The following RELN variants were observed in gnomAD, a reference collection of about 807,000 sequenced individuals.
RELN encodes the protein reelin.
RELN carries 108 observed loss-of-function variants against 427.6 expected under a neutral mutation model. The ratio of observed to expected loss-of-function variants is 0.25; its 90% confidence interval spans 0.22 to 0.30. RELN has a LOEUF of 0.30. RELN is among the 10% of genes least tolerant of loss of function. The pLI, the probability that RELN is intolerant of heterozygous loss-of-function variation, is 1.00. For missense variants in RELN, 3,715 were observed against 4,302.8 expected (o/e 0.86, Z 3.82); for synonymous variants, 1,524 against 1,513.4 (o/e 1.01, Z -0.16).
chr7:103,524,982 C>G (rs1407360414), intron 46 of RELN, among the ~76,000 whole-genome samples: 1 of 152,156 alleles, frequency 6.6e-6, no homozygotes, highest in Non-Finnish European at 1.5e-5. Flanking sequence ...CCGCCTGAAC[C>G]TGGGCCTCTG....
chr7:103,549,299 C>T (rs190376080), intron 41 of RELN, among the ~76,000 whole-genome samples: 39 of 152,280 alleles, frequency 2.6e-4, no homozygotes, highest in African/African-American at 7.5e-4. Flanking sequence ...ATGGATGCTG[C>T]CTTCCTGCTG....
chr7:103,798,066 T>G (rs545007586), intron 3 of RELN, among the ~76,000 whole-genome samples: 5 of 152,340 alleles, frequency 3.3e-5, no homozygotes, highest in South Asian at 2.1e-4. Flanking sequence ...CCCTGCTCCG[T>G]ACTCTTGGGA....
At chr7:103,932,705 G>A (rs1334915882) in intron 1 of RELN, among the ~76,000 whole-genome samples, 1 of 152,148 alleles carries the variant, frequency 6.6e-6, no homozygotes, top group Non-Finnish European at 1.5e-5. Flanking sequence ...CATTCATCTA[G>A]AGGCAAAAGC....
At chr7:103,568,456 G>C (rs1830811497) in intron 31 of RELN, among the ~76,000 whole-genome samples, 1 of 152,172 alleles carries the variant, frequency 6.6e-6, no homozygotes, top group African/African-American at 2.4e-5. Flanking sequence ...GAGACAGCCT[G>C]CTATATACAG....
chr7:103,593,967 G>T, intron 26 of RELN, 85 bp from the exon 27 acceptor site: 1 of 1,020,086 alleles, frequency 9.8e-7, no homozygotes, highest in Non-Finnish European at 1.5e-6. Context: ...GACATGCTGG[G>T]CCATGTACCA....
intron 15 of RELN, among the ~76,000 whole-genome samples, chr7:103,651,053 T>A (rs1342686043): frequency 1.3e-5 from 2 of 152,126 alleles, no homozygotes; most frequent in African/African-American, 4.8e-5. Context: ...CTAATTAGCA[T>A]CAATTATTTT....
At chr7:103,908,010 G>A (rs1458995153) in intron 2 of RELN, among the ~76,000 whole-genome samples, 6 of 152,028 alleles carry the variant, frequency 3.9e-5, no homozygotes, top group African/African-American at 1.5e-4. Flanking sequence ...CTGTGTCCAT[G>A]TGTTCTCATT....
chr7:103,518,310 A>G (rs1192251836), intron 49 of RELN, among the ~76,000 whole-genome samples: 1 of 148,796 alleles, frequency 6.7e-6, no homozygotes, highest in Non-Finnish European at 1.5e-5. Flanking sequence ...CATGCATTAA[A>G]GGATTATCTA....
In RELN at chr7:103,824,627, A is replaced by AGAGTGTGTGTGT. The variant is rs1279358387; in HGVS notation, c.473+8909_473+8910insACACACACACTC. 6.9e-5 allele frequency among the ~76,000 whole-genome samples: 9 copies of AGAGTGTGTGTGT among 130,896 alleles called. No individual in the cohort carries two copies. The highest frequency in any genetic ancestry group is 2.4e-4 in the African/African-American group (8 of 33,978). The allele number at this position is 130,896 out of a possible 152,430, so 85.9% of individuals were successfully genotyped here. A position where few individuals can be genotyped will look rare whatever the true frequency, so the allele number is the denominator to read the frequency against. On this transcript the variant is annotated intron_variant, in intron 3 of 64. Coordinates refer to ENST00000428762, the MANE Select transcript of RELN (RefSeq NM_005045.4). This position sits in a 1 kb window ranked among gnomAD's most constrained non-coding sequence, Gnocchi z 4.4. ...GTGTTTTCACTTTCTTTCAAAACAGAGTGTGTGTGTGTGTGTGTGTGTGTG... is the reference window on the plus strand; with the variant it reads ...GTGTTTTCACTTTCTTTCAAAACAGAGAGTGTGTGTGTGTGTGTGTGTGTGTGTGTGTGTGTG...
chr7:103,516,113 C>A (rs963352302), intron 49 of RELN, among the ~76,000 whole-genome samples: 4 of 152,130 alleles, frequency 2.6e-5, no homozygotes, highest in African/African-American at 9.7e-5. Flanking sequence ...AAATGTGGCT[C>A]CATGCTCCAA....
chr7:103,791,440 C>A (rs2116272391), intron 3 of RELN, among the ~76,000 whole-genome samples: 2 of 152,210 alleles, frequency 1.3e-5, no homozygotes, highest in East Asian at 3.9e-4. Flanking sequence ...CAGTAGTATA[C>A]TTTTACATTT....
chr7:103,663,621 C>G (rs1248043480), intron 11 of RELN, among the ~76,000 whole-genome samples: 1 of 152,190 alleles, frequency 6.6e-6, no homozygotes. Flanking sequence ...TCCCCTTGTA[C>G]TTGTACTTAA....
At position 103,972,892 on chromosome 7, in the gene RELN, T is replaced by TTGTGTGTG. The variant is rs1266906272; in HGVS notation, c.226+16238_226+16239insCACACACA. ...ACTGCTAATGTATGTGGGCATATGA[T>TTGTGTGTG]TATGTGTGTGTGTGTGTGTGTGTGT... On this transcript the variant is annotated intron_variant, in intron 1 of 64. Coordinates refer to ENST00000428762, the MANE Select transcript of RELN (RefSeq NM_005045.4). 2.3e-4 allele frequency among the ~76,000 whole-genome samples: 17 copies of TTGTGTGTG among 73,794 alleles called. No homozygotes were observed. In the South Asian group the frequency reaches 4.7e-3, roughly 20 times the overall value. 48.4% of individuals were successfully genotyped at this position (73,794 alleles called of 152,430 possible).
Position 103,753,219 on chromosome 7 carries a change from A to T in RELN, c.545-5T>A. 1 of 1,614,038 alleles carries T rather than the reference A, an allele frequency of 6.2e-7. No homozygotes were observed. The highest frequency in any genetic ancestry group is 8.5e-7 in the Non-Finnish European group (1 of 1,179,960). ...GCACAGTGACATCTGTTGGAGCTGA[A>T]TCAAGAGAGGAAAGAAGAAAGACAA... On this transcript the variant is annotated splice_region_variant and splice_polypyrimidine_tract_variant and intron_variant, in intron 4 of 64. Transcript: ENST00000428762.
rs143168042 is a variant in RELN at position 103,917,993 on chromosome 7, G to A, written c.227-808C>T. ...GATGCCATTTGTAGGAAGCAACCAA[G>A]GGAAGGTAATAATATTATTTAGGTA... On this transcript the variant is annotated intron_variant, in intron 1 of 64. Transcript: ENST00000428762. Among the ~76,000 whole-genome samples, 293 of 152,132 alleles carry A rather than the reference G, an allele frequency of 1.9e-3. 1 individual carries two copies. Among genetic ancestry groups the A allele is most frequent in the African/African-American group, 6.6e-3 (275 of 41,538 alleles).
chr7:103,501,359 G>A (rs1829022691), intron 52 of RELN, among the ~76,000 whole-genome samples: 1 of 152,192 alleles, frequency 6.6e-6, no homozygotes, highest in Non-Finnish European at 1.5e-5. Context: ...CCCTCAGGCG[G>A]TCGGGAGGCA....
Position 103,596,656 on chromosome 7 carries a change from C to T in RELN, c.3339G>A (p.Gly1113=), listed in dbSNP as rs1831543602. The T allele has an allele frequency of 6.2e-7, 1 of 1,613,818 alleles. No homozygotes were observed. Among genetic ancestry groups the T allele is most frequent in the Non-Finnish European group, 8.5e-7 (1 of 1,179,784 alleles). ...GGTCCCAACTCACCAGCTGTCTTTTCCCAGCCTTTCAGAAAAGAAGAAAAA... is the reference window on the plus strand; with the variant it reads ...GGTCCCAACTCACCAGCTGTCTTTTTCCAGCCTTTCAGAAAAGAAGAAAAA... ...SGSSLYFSKA[G]KRQLVSWDLD... Residue 1113 remains glycine, a synonymous_variant, in exon 25 of 65, where the codon GGG becomes GGA. Transcript: ENST00000428762.
chr7:103,752,547 T>A (rs1791030325), intron 5 of RELN, among the ~76,000 whole-genome samples: 1 of 131,018 alleles, frequency 7.6e-6, no homozygotes, highest in African/African-American at 3.7e-5. Flanking sequence ...TAACTAGGAC[T>A]CCAGGTGCAC....
intron 14 of RELN, among the ~76,000 whole-genome samples, chr7:103,652,343 G>C (rs1268280173): frequency 6.6e-6 from 1 of 151,012 alleles, no homozygotes; most frequent in Non-Finnish European, 1.5e-5. Flanking sequence ...CAAGCTCTTA[G>C]AATGAAGCCA....
Sources: allele counts gnomAD v4.1 joint callset (sites outside exome capture counted in the v4.1 genomes callset), GRCh38; gene constraint gnomAD v4.1.1; non-coding constraint Gnocchi (gnomAD v3.1); transcripts MANE v1.5; gene names NCBI Gene and HGNC (gene_info 2026-07-23, HGNC 2026-07-21).